ADGRB1: variants seen among roughly 807,000 people sequenced by gnomAD.
ADGRB1 encodes brain-specific angiogenesis inhibitor 1.
A neutral mutation model predicts 175.7 loss-of-function variants in ADGRB1; 36 were observed. That is an observed-to-expected ratio of 0.20 (90% CI 0.16 to 0.27). The LOEUF (loss-of-function observed/expected upper bound fraction) is 0.27, where lower values mean the gene tolerates loss of function less well. Among genes scored for constraint, ADGRB1 ranks in the 10% least tolerant of loss-of-function variants. The pLI is 1.00. For missense variants in ADGRB1, 1,731 were observed against 2,255.3 expected (o/e 0.77, Z 4.71); for synonymous variants, 1,054 against 979.4 (o/e 1.08, Z -1.42).
intron 1 of ADGRB1, among the ~76,000 whole-genome samples, chr8:142,459,557 C>A (rs1039010281): frequency 3.3e-5 from 5 of 152,362 alleles, no homozygotes; most frequent in African/African-American, 9.6e-5. Context: ...TCTGTCCCCG[C>A]TGCCCTCACA....
Position 142,510,591 on chromosome 8 carries a change from G to A in ADGRB1, c.2676-341G>A, listed in dbSNP as rs1843038314. On this transcript the variant is annotated intron_variant, in intron 17 of 30. Transcript: ENST00000517894. This position sits in a 1 kb window ranked among gnomAD's most constrained non-coding sequence, Gnocchi z 6.3. ...CGGGGGCGCGGGCCCCGGAGGAGCT[G>A]GGGGCGGCGGGGGCGCGGGGCGGGC... Among the ~76,000 whole-genome samples, 1 of 146,706 alleles carries A rather than the reference G, an allele frequency of 6.8e-6. No individual in the cohort carries two copies. The highest frequency in any genetic ancestry group is 2.5e-5 in the African/African-American group (1 of 40,790).
chr8:142,523,846 G>A (rs1844016194), intron 22 of ADGRB1, among the ~76,000 whole-genome samples: 1 of 152,042 alleles, frequency 6.6e-6, no homozygotes, highest in African/African-American at 2.4e-5. Flanking sequence ...CGGGGCCTGA[G>A]CCCCAGCATT....
At chr8:142,473,830 G>A (rs1840790821) in intron 2 of ADGRB1, among the ~76,000 whole-genome samples, 2 of 152,192 alleles carry the variant, frequency 1.3e-5, no homozygotes, top group Non-Finnish European at 2.9e-5. Flanking sequence ...TCCCTCTCCT[G>A]GGTCTCATCC....
In ADGRB1 at chr8:142,450,041, C is replaced by T. The variant is rs1179433185; in HGVS notation, c.-283C>T. 1 of 150,100 alleles carries T rather than the reference C, an allele frequency of 6.7e-6. No homozygotes were observed. Among genetic ancestry groups the T allele is most frequent in the East Asian group, 2.0e-4 (1 of 5,038 alleles). 9.3% of individuals were successfully genotyped at this position (150,100 alleles called of 1,614,324 possible). A position where few individuals can be genotyped will look rare whatever the true frequency, so the allele number is the denominator to read the frequency against. ...GCTCAGCCGCCGGCGACGCGAGGCG[C>T]TCGCGGGGATTTGCAACTCGCCGGA... is the stretch of plus-strand genomic sequence containing the variant. On this transcript the variant is annotated 5_prime_UTR_variant, in exon 1 of 31. Coordinates refer to ENST00000517894, the MANE Select transcript of ADGRB1 (RefSeq NM_001702.3).
intron 17 of ADGRB1, among the ~76,000 whole-genome samples, chr8:142,498,041 C>G (rs1394126646): frequency 6.6e-6 from 1 of 152,174 alleles, no homozygotes; most frequent in African/African-American, 2.4e-5. Context: ...GCTGCCCTTA[C>G]CCAGGCCCTC....
chr8:142,477,621 G>A (rs978779760), intron 6 of ADGRB1, 72 bp downstream of exon 6: 76 of 1,526,332 alleles, frequency 5.0e-5, no homozygotes, highest in Non-Finnish European at 5.9e-5. Context: ...CCACCGGCCA[G>A]GCCCAGGAGC....
chr8:142,467,140 C>G (rs1840324516), intron 2 of ADGRB1, among the ~76,000 whole-genome samples: 1 of 152,218 alleles, frequency 6.6e-6, no homozygotes, highest in Non-Finnish European at 1.5e-5. Context: ...CTTCACTCCT[C>G]ACTGGGCACC....
In ADGRB1 at chr8:142,544,258, G is replaced by T; in HGVS notation, c.4596G>T (p.Glu1532Asp). Residue 1532 changes from glutamate (E) to aspartate (D), a missense_variant, in exon 31 of 31, where the codon GAG (glutamate) becomes GAT (aspartate). Physicochemically the swap from Glu to Asp is conservative, Grantham distance 45. Coordinates refer to ENST00000517894, the MANE Select transcript of ADGRB1 (RefSeq NM_001702.3). The stretch of plus-strand genomic sequence containing the variant: ...AGACGCCCAACAAGAGGCCCTGGGA[G>T]AGCCTCCGGAAAGCCCACGGGACGC... The part of the protein sequence containing the change: ...KQQTPNKRPW[E>D]SLRKAHGTPT... 6.5e-7 allele frequency: 1 copy of T among 1,549,252 alleles called. No homozygotes were observed. The highest frequency in any genetic ancestry group is 8.7e-7 in the Non-Finnish European group (1 of 1,146,672).
rs1347208650 is a variant in ADGRB1, at chr8:142,501,870, G to A, written c.2676-9062G>A. 4.8e-5 allele frequency among the ~76,000 whole-genome samples: 2 copies of A among 41,718 alleles called. 1 individual carries two copies. Among genetic ancestry groups the A allele is most frequent in the African/African-American group, 2.0e-4 (2 of 9,984 alleles). The allele number at this position is 41,718 out of a possible 152,430, so 27.4% of individuals were successfully genotyped here. A position where few individuals can be genotyped will look rare whatever the true frequency, so the allele number is the denominator to read the frequency against. ...TTTGTGTGGTTTTGACGATGGAGGT[G>A]GGGTGGTGGTGGTGATGGTGAGGGT... On this transcript the variant is annotated intron_variant, in intron 17 of 30. Coordinates refer to ENST00000517894, the MANE Select transcript of ADGRB1 (RefSeq NM_001702.3).
In ADGRB1 at chr8:142,489,341, C is replaced by A; in HGVS notation, c.2534C>A (p.Thr845Lys). 10 of 1,612,856 alleles carry A rather than the reference C, an allele frequency of 6.2e-6. No homozygotes were observed. Among genetic ancestry groups the A allele is most frequent in the Non-Finnish European group, 8.5e-6 (10 of 1,179,808 alleles). Residue 845 changes from threonine to lysine, a missense_variant, in exon 16 of 31, where the codon ACG becomes AAG. Coordinates refer to ENST00000517894, the MANE Select transcript of ADGRB1 (RefSeq NM_001702.3). ...LGSFLALQRN[T>K]TVLNSKVISV... ...TGTGCCTCTGGCTCTTGCAGGAACA[C>A]GACCGTCCTGAATTCTAAGGTGATC...
chr8:142,521,738 A>C (rs1010020604), intron 20 of ADGRB1, among the ~76,000 whole-genome samples: 7 of 152,346 alleles, frequency 4.6e-5, no homozygotes, highest in African/African-American at 1.4e-4. Flanking sequence ...GGTGCTGAGA[A>C]AGATGGGGAG....
intron 17 of ADGRB1, among the ~76,000 whole-genome samples, chr8:142,497,558 G>T (rs993523821): frequency 2.2e-4 from 33 of 152,192 alleles, no homozygotes; most frequent in Non-Finnish European, 4.6e-4. Flanking sequence ...CCTGGGAAGA[G>T]CCTCAGTATC....
rs1208072446 is a variant in ADGRB1 at position 142,518,063 on chromosome 8, G to T, written c.2818-75G>T. ...TGTGACCCGGGGCTGCGGGCTCTCG[G>T]GTCTCAGTCTTCGGGTCTGCCGAGT... On this transcript the variant is annotated intron_variant, in intron 18 of 30. Transcript: ENST00000517894. 4 of 1,445,536 alleles carry T rather than the reference G, an allele frequency of 2.8e-6. No homozygotes were observed. The Admixed American group carries it at 6.9e-5, about 25-fold the overall frequency. 89.5% of individuals were successfully genotyped at this position (1,445,536 alleles called of 1,614,324 possible). A position where few individuals can be genotyped will look rare whatever the true frequency, so the allele number is the denominator to read the frequency against.
intron 17 of ADGRB1, among the ~76,000 whole-genome samples, chr8:142,500,261 TCCCCACGC>T (rs1842433880): frequency 6.6e-5 from 1 of 15,110 alleles, no homozygotes; most frequent in African/African-American, 1.7e-4. Flanking sequence ...CTCCTCCACC[TCCCCACGC>T]GCCGCTCCTC....
chr8:142,517,172 GCCA>G, intron 18 of ADGRB1, among the ~76,000 whole-genome samples: 1 of 152,314 alleles, frequency 6.6e-6, no homozygotes, highest in East Asian at 1.9e-4. Context: ...AGGGAGGCTG[GCCA>G]GGGGCAGGGC....
chr8:142,504,403 C>T lies in ADGRB1; in HGVS notation c.2676-6529C>T, dbSNP rs1201934043. On this transcript the variant is annotated intron_variant, in intron 17 of 30. Coordinates refer to ENST00000517894, the MANE Select transcript of ADGRB1 (RefSeq NM_001702.3). The surrounding 1 kb of genome is among the most constrained non-coding windows in gnomAD (Gnocchi z 5.6). ...GGGTTACCTGCTGGGCTGGCCTGTGCAGGCAGGGCCACCAGGGGCAGGCCC... is the reference window on the plus strand; with the variant it reads ...GGGTTACCTGCTGGGCTGGCCTGTGTAGGCAGGGCCACCAGGGGCAGGCCC... Among the ~76,000 whole-genome samples the T allele has an allele frequency of 6.6e-6, 1 of 152,142 alleles. No individual in the cohort carries two copies. Among genetic ancestry groups the T allele is most frequent in the Admixed American group, 6.5e-5 (1 of 15,280 alleles).
At position 142,511,119 on chromosome 8, in the gene ADGRB1, C is replaced by T; in HGVS notation, c.2817+46C>T. 9.4e-7 allele frequency: 1 copy of T among 1,058,484 alleles called. No individual in the cohort carries two copies. Among genetic ancestry groups the T allele is most frequent in the Non-Finnish European group, 1.1e-6 (1 of 877,916 alleles). 65.6% of individuals were successfully genotyped at this position (1,058,484 alleles called of 1,614,324 possible). Reference sequence around the variant, plus strand: ...GCGGGAGGGGCGCCGGGCAGGGGCGCGGGCGGGGGCTGCCGGCGGGCCTGC... The same window carrying T: ...GCGGGAGGGGCGCCGGGCAGGGGCGTGGGCGGGGGCTGCCGGCGGGCCTGC... On this transcript the variant is annotated intron_variant, in intron 18 of 30. Coordinates refer to ENST00000517894, the MANE Select transcript of ADGRB1 (RefSeq NM_001702.3). This position sits in a 1 kb window ranked among gnomAD's most constrained non-coding sequence, Gnocchi z 4.5.
At chr8:142,541,603 T>G (rs746434594) in intron 27 of ADGRB1, among the ~76,000 whole-genome samples, 1 of 152,188 alleles carries the variant, frequency 6.6e-6, no homozygotes, top group Non-Finnish European at 1.5e-5. Context: ...TGTGTCCCTG[T>G]GCTTCCGGGA....
chr8:142,533,309 G>A lies in ADGRB1; in HGVS notation c.3413G>A (p.Ser1138Asn). Residue 1138 changes from serine to asparagine, a missense_variant, in exon 25 of 31, where the codon AGC becomes AAC. Ser to Asn is a conservative substitution (Grantham distance 46). Coordinates refer to ENST00000517894, the MANE Select transcript of ADGRB1 (RefSeq NM_001702.3). The stretch of plus-strand genomic sequence containing the variant: ...TCCATCCCCAGGGCCTCCCTGTGGA[G>A]CTCCTGCGTGGTGCTGCCGCTGCTG... ...LKERAGASLW[S>N]SCVVLPLLAL... 3.2e-6 allele frequency: 5 copies of A among 1,549,704 alleles called. No individual in the cohort carries two copies. The highest frequency in any genetic ancestry group is 4.3e-6 in the Non-Finnish European group (5 of 1,150,908).
Sources: allele counts gnomAD v4.1 joint callset (sites outside exome capture counted in the v4.1 genomes callset), GRCh38; gene constraint gnomAD v4.1.1; non-coding constraint Gnocchi (gnomAD v3.1); transcripts MANE v1.5; gene names NCBI Gene and HGNC (gene_info 2026-07-23, HGNC 2026-07-21).